Variants in MTUS2 observed in about 807,000 individuals in gnomAD.
The protein encoded by MTUS2 is microtubule associated scaffold protein 2.
MTUS2 carries 40 observed loss-of-function variants against 114.1 expected under a neutral mutation model. The ratio of observed to expected loss-of-function variants is 0.35; its 90% confidence interval spans 0.27 to 0.46. The LOEUF is 0.46. Ranked by LOEUF, MTUS2 falls within the 20% of genes least tolerant of loss-of-function variation. The pLI is 1.00. For synonymous variants in MTUS2, 688 were observed against 672.0 expected (o/e 1.02, Z -0.37); for missense variants, 1,679 against 1,705.4 (o/e 0.98, Z 0.27).
intron 1 of MTUS2, among the ~76,000 whole-genome samples, chr13:28,834,350 TG>T: frequency 6.6e-6 from 1 of 152,252 alleles, no homozygotes; most frequent in Middle Eastern, 3.4e-3. Context: ...GGTATAAAAT[TG>T]ATCCATAAGG....
chr13:29,326,377 A>G (rs1900515273), intron 7 of MTUS2, among the ~76,000 whole-genome samples: 1 of 152,248 alleles, frequency 6.6e-6, no homozygotes, highest in Admixed American at 6.5e-5. Context: ...CACCATAAAT[A>G]AGGTCCTTAT....
intron 4 of MTUS2, among the ~76,000 whole-genome samples, chr13:29,090,115 T>C (rs1889870760): frequency 6.6e-6 from 1 of 152,204 alleles, no homozygotes; most frequent in South Asian, 2.1e-4. Flanking sequence ...TTTTTGCTTT[T>C]ATGTTCTTTG....
chr13:29,038,467 G>A (rs1047435125), intron 4 of MTUS2, among the ~76,000 whole-genome samples: 1 of 152,208 alleles, frequency 6.6e-6, no homozygotes, highest in Non-Finnish European at 1.5e-5. Context: ...CCTGTATGAG[G>A]TGTCTGTCTG....
intron 2 of MTUS2, among the ~76,000 whole-genome samples, chr13:28,951,617 G>C (rs1239649894): frequency 3.3e-5 from 5 of 152,070 alleles, no homozygotes. Context: ...TGGGCAACAT[G>C]GTAAAACCCC....
At chr13:29,389,325 G>GTGTGTATA (rs61621576) in intron 8 of MTUS2, among the ~76,000 whole-genome samples, 29,147 of 76,212 alleles carry the variant, frequency 0.38, 9,323 homozygotes, top group Admixed American at 0.54. Context: ...ATACACATAT[G>GTGTGTATA]TGTGTATATA....
At chr13:29,091,656 C>T (rs1453472609) in intron 4 of MTUS2, among the ~76,000 whole-genome samples, 2 of 152,160 alleles carry the variant, frequency 1.3e-5, no homozygotes, top group Admixed American at 1.3e-4. Flanking sequence ...TTTCCTTGAG[C>T]CTAGCATAAG....
intron 5 of MTUS2, among the ~76,000 whole-genome samples, chr13:29,237,940 AAAAG>A (rs1896595579): frequency 6.6e-6 from 1 of 152,190 alleles, no homozygotes; most frequent in African/African-American, 2.4e-5. Context: ...AAAAAAGAAA[AAAAG>A]AAAAGAAACA....
chr13:28,931,756 G>A (rs1881629667), intron 2 of MTUS2, among the ~76,000 whole-genome samples: 1 of 152,030 alleles, frequency 6.6e-6, no homozygotes, highest in South Asian at 2.1e-4. Flanking sequence ...GTATACATGT[G>A]CCATGTTGGT....
chr13:29,366,284 T>C (rs1394753109), intron 8 of MTUS2, among the ~76,000 whole-genome samples: 3 of 152,094 alleles, frequency 2.0e-5, no homozygotes, highest in Admixed American at 6.5e-5. Flanking sequence ...GAAGAGAACT[T>C]GTGCAGGGAA....
At chr13:29,225,918 T>C (rs1445204174) in intron 5 of MTUS2, among the ~76,000 whole-genome samples, 2 of 152,242 alleles carry the variant, frequency 1.3e-5, no homozygotes, top group Non-Finnish European at 2.9e-5. Flanking sequence ...GCCTTCTCTT[T>C]AGTAAACTGT....
intron 8 of MTUS2, among the ~76,000 whole-genome samples, chr13:29,437,642 T>G (rs936607407): frequency 6.6e-6 from 1 of 152,040 alleles, no homozygotes; most frequent in African/African-American, 2.4e-5. Context: ...ACCAGGAAGG[T>G]GCTTACAAAA....
At chr13:29,307,189 G>T in intron 6 of MTUS2, 1 of 527,638 alleles carries the variant, frequency 1.9e-6, no homozygotes, top group South Asian at 1.7e-5. Flanking sequence ...CGTGACCCAT[G>T]AGAATTATGA....
intron 8 of MTUS2, among the ~76,000 whole-genome samples, chr13:29,429,900 C>T (rs1276674414): frequency 6.6e-6 from 1 of 152,084 alleles, no homozygotes; most frequent in African/African-American, 2.4e-5. Flanking sequence ...TGAACTTTGA[C>T]CTAAAGTAGG....
intron 4 of MTUS2, among the ~76,000 whole-genome samples, chr13:29,082,785 T>C (rs1889503482): frequency 6.6e-6 from 1 of 152,160 alleles, no homozygotes; most frequent in African/African-American, 2.4e-5. Context: ...GGTATTCTTA[T>C]ATTGTATACA....
chr13:29,389,410 C>CGTGT (rs144076814), intron 8 of MTUS2, among the ~76,000 whole-genome samples: 1 of 76,474 alleles, frequency 1.3e-5, no homozygotes, highest in Non-Finnish European at 2.7e-5. Flanking sequence ...TATGTATACA[C>CGTGT]GTGTGTGTGT....
chr13:29,104,359 C>T (rs1161259315), intron 5 of MTUS2, among the ~76,000 whole-genome samples: 2 of 152,202 alleles, frequency 1.3e-5, no homozygotes, highest in Non-Finnish European at 2.9e-5. Context: ...CTATTTCCTT[C>T]TTAAAGCTGC....
chr13:29,039,912 A>G (rs1887269503), intron 4 of MTUS2, among the ~76,000 whole-genome samples: 2 of 152,232 alleles, frequency 1.3e-5, no homozygotes, highest in African/African-American at 2.4e-5. Context: ...TACATCCATG[A>G]ATAGATTGTC....
intron 9 of MTUS2, among the ~76,000 whole-genome samples, chr13:29,441,172 A>T (rs539385583): frequency 2.0e-5 from 3 of 152,034 alleles, no homozygotes; most frequent in Non-Finnish European, 2.9e-5. Flanking sequence ...TGCTGCAGGG[A>T]CACCTACACC....
intron 8 of MTUS2, among the ~76,000 whole-genome samples, chr13:29,433,023 G>C (rs1325056402): frequency 6.6e-6 from 1 of 152,158 alleles, no homozygotes; most frequent in African/African-American, 2.4e-5. Context: ...TAAAACGCAG[G>C]CAACTGGCTA....
Sources: allele counts gnomAD v4.1 joint callset (sites outside exome capture counted in the v4.1 genomes callset), GRCh38; gene constraint gnomAD v4.1.1; transcripts MANE v1.5; gene names NCBI Gene and HGNC (gene_info 2026-07-23, HGNC 2026-07-21).